Variants in CDH18 observed in about 807,000 individuals in gnomAD.
The protein encoded by CDH18 is cadherin 18.
Under a neutral mutation model 67.9 loss-of-function variants are expected in CDH18, and 31 were observed. The ratio of observed to expected loss-of-function variants is 0.46; its 90% CI spans 0.34 to 0.62. The LOEUF is 0.62. Among genes scored for constraint, CDH18 ranks in the 20% least tolerant of loss-of-function variants. The pLI, the probability that CDH18 is intolerant of heterozygous loss-of-function variation, is 0.01. For missense variants in CDH18, 890 were observed against 975.5 expected (o/e 0.91, Z 1.17); for synonymous variants, 362 against 347.2 (o/e 1.04, Z -0.48).
At chr5:20,218,766 G>A (rs1006246005) in intron 2 of CDH18, among the ~76,000 whole-genome samples, 3 of 151,784 alleles carry the variant, frequency 2.0e-5, no homozygotes, top group East Asian at 1.9e-4. Context: ...TTCACCTCCC[G>A]CCATGATTCT....
At chr5:20,393,119 G>A (rs1296136885) in intron 1 of CDH18, among the ~76,000 whole-genome samples, 1 of 151,932 alleles carries the variant, frequency 6.6e-6, no homozygotes, top group Non-Finnish European at 1.5e-5. Flanking sequence ...TGGCATAGGT[G>A]TCTTACTATA....
chr5:19,533,339 G>GT (rs1748937410), intron 9 of CDH18, among the ~76,000 whole-genome samples: 1 of 152,190 alleles, frequency 6.6e-6, no homozygotes, highest in East Asian at 1.9e-4. Flanking sequence ...CAACATGGAG[G>GT]TTGAGAATGA....
At chr5:19,970,672 T>C (rs919812076) in intron 2 of CDH18, among the ~76,000 whole-genome samples, 1 of 151,686 alleles carries the variant, frequency 6.6e-6, no homozygotes, top group Non-Finnish European at 1.5e-5. Flanking sequence ...TTCACGAGAC[T>C]CATGGGAATA....
intron 1 of CDH18, among the ~76,000 whole-genome samples, chr5:20,442,475 A>G (rs555451265): frequency 4.8e-4 from 73 of 152,110 alleles, no homozygotes; most frequent in Non-Finnish European, 9.4e-4. Context: ...ATTTGTGAGT[A>G]TGAGTTACTT....
Position 19,993,875 on chromosome 5 carries a change from G to A in CDH18, c.-517-1861C>T, listed in dbSNP as rs570303569. Among the ~76,000 whole-genome samples the A allele has an allele frequency of 1.6e-4, 25 of 152,086 alleles. No individual in the cohort carries two copies. The South Asian group carries it at 2.5e-3, about 15-fold the overall frequency. ...GAAGATATTCGGCTCATATATTTACGTAAATTTTCATGTTTGTTTAGTTCC... is the reference window on the plus strand; with the variant it reads ...GAAGATATTCGGCTCATATATTTACATAAATTTTCATGTTTGTTTAGTTCC... On this transcript the variant is annotated intron_variant, in intron 2 of 14. Coordinates refer to the CDH18 transcript ENST00000507958.
chr5:20,542,246 C>T (rs1757090693), intron 1 of CDH18, among the ~76,000 whole-genome samples: 1 of 149,692 alleles, frequency 6.7e-6, no homozygotes, highest in Admixed American at 6.8e-5. Context: ...TAAATAACAT[C>T]AATTATTATT....
chr5:20,373,642 TATAAATAAATAA>T (rs34470344), intron 1 of CDH18, among the ~76,000 whole-genome samples: 4 of 150,470 alleles, frequency 2.7e-5, no homozygotes, highest in Non-Finnish European at 5.9e-5. Flanking sequence ...GAAAAATAAA[TATAAATAAATAA>T]ATAAATAAAT....
chr5:20,154,416 C>A (rs185090341), intron 2 of CDH18, among the ~76,000 whole-genome samples: 1 of 152,204 alleles, frequency 6.6e-6, no homozygotes, highest in African/African-American at 2.4e-5. Context: ...AATTTATTCT[C>A]TTTTTCTTCT....
intron 9 of CDH18, among the ~76,000 whole-genome samples, chr5:19,530,948 GCTGCACCCACTGTC>G (rs1276410612): frequency 2.6e-5 from 4 of 152,264 alleles, no homozygotes; most frequent in East Asian, 3.9e-4. Context: ...CGCATGGTGT[GCTGCACCCACTGTC>G]CTGCACCCAC....
At chr5:19,532,674 G>A (rs1468954589) in intron 9 of CDH18, among the ~76,000 whole-genome samples, 1 of 152,198 alleles carries the variant, frequency 6.6e-6, no homozygotes, top group African/African-American at 2.4e-5. Flanking sequence ...GGAAGCTAAG[G>A]TTAGGACCCA....
intron 1 of CDH18, among the ~76,000 whole-genome samples, chr5:20,573,936 ATTTCT>A (rs1183727599): frequency 2.5e-4 from 35 of 142,724 alleles, no homozygotes; most frequent in Admixed American, 2.3e-3. Context: ...ATATATATAT[ATTTCT>A]TTTAAGTATT....
chr5:19,862,382 T>C (rs187432433), intron 2 of CDH18, among the ~76,000 whole-genome samples: 248 of 152,328 alleles, frequency 1.6e-3, no homozygotes, highest in Middle Eastern at 3.4e-3. Context: ...CTGTATCAAC[T>C]GTTCCTGTTC....
chr5:19,824,891 G>A (rs551596269), intron 3 of CDH18, among the ~76,000 whole-genome samples: 1 of 151,798 alleles, frequency 6.6e-6, no homozygotes. Flanking sequence ...GGGTACAGTG[G>A]GTACAACCTT....
At chr5:19,552,070 G>T (rs968811390) in intron 8 of CDH18, among the ~76,000 whole-genome samples, 39 of 152,054 alleles carry the variant, frequency 2.6e-4, no homozygotes, top group African/African-American at 9.2e-4. Context: ...TATGTTGGTA[G>T]CACTAATCAT....
At chr5:20,117,395 G>C (rs1054765922) in intron 2 of CDH18, among the ~76,000 whole-genome samples, 60 of 152,110 alleles carry the variant, frequency 3.9e-4, no homozygotes, top group African/African-American at 1.3e-3. Flanking sequence ...ATCAAATGCT[G>C]AAGGTAGAAA....
At chr5:20,371,015 C>A (rs542055094) in intron 1 of CDH18, among the ~76,000 whole-genome samples, 11 of 148,466 alleles carry the variant, frequency 7.4e-5, no homozygotes, top group Non-Finnish European at 1.5e-4. Context: ...CCACCCTGGG[C>A]GACAGGGCGA....
intron 2 of CDH18, among the ~76,000 whole-genome samples, chr5:20,017,994 T>C (rs77223588): frequency 0.012 from 1,758 of 152,138 alleles, 43 homozygotes; most frequent in African/African-American, 0.04. Context: ...ATGAGAGAGA[T>C]TGGGAGTATG....
At chr5:20,186,762 GA>G (rs1738134998) in intron 2 of CDH18, among the ~76,000 whole-genome samples, 1 of 151,826 alleles carries the variant, frequency 6.6e-6, no homozygotes, top group African/African-American at 2.4e-5. Context: ...AAAAAATGTA[GA>G]ATTATCTATC....
chr5:20,192,189 C>T (rs1738597124), intron 2 of CDH18, among the ~76,000 whole-genome samples: 1 of 150,250 alleles, frequency 6.7e-6, no homozygotes. Flanking sequence ...ATCCTTTTCC[C>T]ACTTTTCGAC....
Sources: allele counts gnomAD v4.1 joint callset (sites outside exome capture counted in the v4.1 genomes callset), GRCh38; gene constraint gnomAD v4.1.1; transcripts MANE v1.5; gene names NCBI Gene and HGNC (gene_info 2026-07-23, HGNC 2026-07-21).